NCAM1: variants seen among roughly 807,000 people sequenced by gnomAD.
NCAM1 encodes the protein neural cell adhesion molecule 1, also known as antigen recognized by monoclonal antibody 5.1H11.
A neutral mutation model predicts 109.8 loss-of-function variants in NCAM1; 14 were observed. The ratio of observed to expected loss-of-function variants is 0.13; its 90% CI spans 0.08 to 0.20. NCAM1 has a LOEUF of 0.20. Ranked by LOEUF, NCAM1 falls within the 10% of genes least tolerant of loss-of-function variation. The pLI, the probability that NCAM1 is intolerant of heterozygous loss-of-function variation, is 1.00. For synonymous variants in NCAM1, 418 were observed against 442.9 expected (o/e 0.94, Z 0.70); for missense variants, 774 against 1,109.9 (o/e 0.70, Z 4.30).
At chr11:113,075,169 C>T (rs556263455) in intron 1 of NCAM1, among the ~76,000 whole-genome samples, 298 of 152,190 alleles carry the variant, frequency 2.0e-3, no homozygotes, top group South Asian at 9.2e-3. Flanking sequence ...CTGGCTCAAG[C>T]AATCCTCCTG....
In NCAM1 at chr11:113,033,845, G is replaced by A. The variant is rs1268560129; in HGVS notation, c.52+72181G>A. 3.3e-5 allele frequency among the ~76,000 whole-genome samples: 5 copies of A among 152,080 alleles called. No homozygotes were observed. The East Asian group carries it at 9.6e-4, about 29-fold the overall frequency. On this transcript the variant is annotated intron_variant, in intron 1 of 19. Coordinates refer to ENST00000316851, the MANE Select transcript of NCAM1 (RefSeq NM_181351.5). ...TAGATCAATCCTACATATCTTGTAG[G>A]GATTTATAAAGTTGGTTGGCCAGTA...
At position 113,207,191 on chromosome 11, in the gene NCAM1, G is replaced by A. The variant is rs998588644; in HGVS notation, c.629-70G>A. On this transcript the variant is annotated intron_variant, in intron 5 of 19. Coordinates refer to ENST00000316851, the MANE Select transcript of NCAM1 (RefSeq NM_181351.5). ...CTGAGAACTCCTGACCTGGAGTGGTGTCTCTTCTCCAGGCCATTGGGTTCT... is the reference window on the plus strand; with the variant it reads ...CTGAGAACTCCTGACCTGGAGTGGTATCTCTTCTCCAGGCCATTGGGTTCT... 2.8e-5 allele frequency: 35 copies of A among 1,243,878 alleles called. No homozygotes were observed. The African/African-American group carries it at 4.4e-4, about 16-fold the overall frequency. The allele number at this position is 1,243,878 out of a possible 1,614,324, so 77.1% of individuals were successfully genotyped here. A position where few individuals can be genotyped will look rare whatever the true frequency, so the allele number is the denominator to read the frequency against.
At chr11:113,167,799 G>A (rs1011298040) in intron 1 of NCAM1, among the ~76,000 whole-genome samples, 7 of 152,130 alleles carry the variant, frequency 4.6e-5, no homozygotes, top group Non-Finnish European at 8.8e-5. Flanking sequence ...GTTGGCAGGC[G>A]GACTTTTCTA....
chr11:113,156,893 A>G (rs1235393867), intron 1 of NCAM1, among the ~76,000 whole-genome samples: 1 of 152,104 alleles, frequency 6.6e-6, no homozygotes, highest in African/African-American at 2.4e-5. Flanking sequence ...GCATCTCCAC[A>G]TGGAAGGCTT....
intron 9 of NCAM1, among the ~76,000 whole-genome samples, chr11:113,222,777 T>C (rs190821795): frequency 1.1e-4 from 16 of 152,314 alleles, no homozygotes; most frequent in Admixed American, 3.9e-4. Context: ...TTATTGTAAG[T>C]GGAAGTAATA....
At chr11:113,115,498 C>A (rs1253604160) in intron 1 of NCAM1, among the ~76,000 whole-genome samples, 2 of 152,136 alleles carry the variant, frequency 1.3e-5, no homozygotes, top group African/African-American at 4.8e-5. Flanking sequence ...AAATACCCTA[C>A]CCTCCACCTC....
intron 19 of NCAM1, among the ~76,000 whole-genome samples, 193 bp downstream of exon 19, chr11:113,272,069 G>A (rs1450934318): frequency 1.3e-5 from 2 of 152,064 alleles, no homozygotes; most frequent in African/African-American, 4.8e-5. Flanking sequence ...TTCTATTTCG[G>A]TGGCTGTGGG....
In NCAM1 at chr11:113,176,598, G is replaced by A. The variant is rs553551000; in HGVS notation, c.53-25781G>A. Among the ~76,000 whole-genome samples, 8 of 152,302 alleles carry A rather than the reference G, an allele frequency of 5.3e-5. No homozygotes were observed. The East Asian group carries it at 7.7e-4, about 15-fold the overall frequency. On this transcript the variant is annotated intron_variant, in intron 1 of 19. Transcript: ENST00000316851. ...CCTCAGAGAACACCCACTAGCCTGG[G>A]AAGAATAAACACAAAACACTCCATG... is the stretch of plus-strand genomic sequence containing the variant.
At chr11:112,965,877 G>C (rs1306733418) in intron 1 of NCAM1, among the ~76,000 whole-genome samples, 9 of 152,108 alleles carry the variant, frequency 5.9e-5, no homozygotes, top group Non-Finnish European at 1.2e-4. Context: ...TTAGGATCTT[G>C]AGCTTGTGAT....
At chr11:113,060,994 A>G (rs1170339224) in intron 1 of NCAM1, among the ~76,000 whole-genome samples, 2 of 152,160 alleles carry the variant, frequency 1.3e-5, no homozygotes, top group African/African-American at 4.8e-5. Context: ...TAGAGGCCCT[A>G]TGCTCTGTAA....
chr11:113,021,078 G>A (rs768326791), intron 1 of NCAM1, among the ~76,000 whole-genome samples: 7 of 152,160 alleles, frequency 4.6e-5, no homozygotes, highest in Admixed American at 1.3e-4. Flanking sequence ...TTCATTGGTG[G>A]CTCCTACTAG....
At position 113,051,891 on chromosome 11, in the gene NCAM1, A is replaced by G. The variant is rs184295928; in HGVS notation, c.52+90227A>G. 3.4e-4 allele frequency among the ~76,000 whole-genome samples: 52 copies of G among 152,322 alleles called. No individual in the cohort carries two copies. The East Asian group carries it at 7.3e-3, about 21-fold the overall frequency. ...ATATAAATGGAATAGCTGGGCCTAA[A>G]GTTGTAAATGTTTTTGAGACTTTGA... On this transcript the variant is annotated intron_variant, in intron 1 of 19. Coordinates refer to ENST00000316851, the MANE Select transcript of NCAM1 (RefSeq NM_181351.5).
At chr11:113,088,949 A>G (rs1939215771) in intron 1 of NCAM1, among the ~76,000 whole-genome samples, 1 of 152,188 alleles carries the variant, frequency 6.6e-6, no homozygotes, top group African/African-American at 2.4e-5. Flanking sequence ...AAAAATGTAA[A>G]ATTAGCAAAG....
intron 1 of NCAM1, among the ~76,000 whole-genome samples, chr11:113,173,354 C>T (rs1208044682): frequency 1.3e-5 from 2 of 151,796 alleles, no homozygotes; most frequent in Admixed American, 6.6e-5. Context: ...AACCTGGGGT[C>T]TAATTTGAAT....
chr11:113,231,128 G>C, intron 9 of NCAM1: 7 of 1,394,232 alleles, frequency 5.0e-6, no homozygotes, highest in Non-Finnish European at 6.8e-6. Flanking sequence ...CCAGGAAAGA[G>C]GCATCTGCAG....
At chr11:113,089,906 A>G (rs782480378) in intron 1 of NCAM1, among the ~76,000 whole-genome samples, 8 of 152,212 alleles carry the variant, frequency 5.3e-5, no homozygotes, top group Non-Finnish European at 1.0e-4. Flanking sequence ...CCCAAAAGTA[A>G]TTGGAAAGGT....
chr11:113,039,740 T>C (rs559758900), intron 1 of NCAM1, among the ~76,000 whole-genome samples: 1 of 152,354 alleles, frequency 6.6e-6, no homozygotes, highest in South Asian at 2.1e-4. Flanking sequence ...TTAAAAATTT[T>C]CTGGTAGCTG....
intron 17 of NCAM1, among the ~76,000 whole-genome samples, chr11:113,262,684 TTC>T (rs1946043088): frequency 6.6e-6 from 1 of 152,228 alleles, no homozygotes; most frequent in Non-Finnish European, 1.5e-5. Context: ...ATCTATTTTT[TTC>T]TCTGTTTCTG....
At chr11:113,220,301 A>G (rs1397297164) in intron 8 of NCAM1, among the ~76,000 whole-genome samples, 5 of 152,180 alleles carry the variant, frequency 3.3e-5, no homozygotes, top group Non-Finnish European at 7.3e-5. Context: ...GAGATGGTAC[A>G]TGCTGGAGTC....
Sources: allele counts gnomAD v4.1 joint callset (sites outside exome capture counted in the v4.1 genomes callset), GRCh38; gene constraint gnomAD v4.1.1; transcripts MANE v1.5; gene names NCBI Gene and HGNC (gene_info 2026-07-23, HGNC 2026-07-21).